Variants in SH3D19 observed in about 807,000 individuals in gnomAD.
SH3D19 encodes SH3 domain-containing protein 19.
Under a neutral mutation model 112.1 loss-of-function variants are expected in SH3D19, and 58 were observed. The ratio of observed to expected loss-of-function variants is 0.52; its 90% CI spans 0.42 to 0.64. The LOEUF (loss-of-function observed/expected upper bound fraction) is 0.64. SH3D19 is among the 30% of genes least tolerant of loss of function. The pLI is 0.00. For synonymous variants in SH3D19, 391 were observed against 448.5 expected, an observed-to-expected ratio of 0.87 and a Z score of 1.62; for missense variants, 1,090 against 1,263.4, an observed-to-expected ratio of 0.86 and a Z score of 2.08.
intron 4 of SH3D19, among the ~76,000 whole-genome samples, chr4:151,177,569 G>C (rs751169933): frequency 2.6e-5 from 4 of 152,004 alleles, no homozygotes; most frequent in Non-Finnish European, 4.4e-5. Flanking sequence ...GGCTGATCTC[G>C]AACTCCTGAC....
At chr4:151,298,344 A>T (rs912947628) in intron 1 of SH3D19, among the ~76,000 whole-genome samples, 1 of 151,810 alleles carries the variant, frequency 6.6e-6, no homozygotes, top group African/African-American at 2.4e-5. Context: ...TGCCCAGCTA[A>T]TTTTTGTATT....
intron 1 of SH3D19, among the ~76,000 whole-genome samples, chr4:151,255,388 G>A (rs1188161394): frequency 3.3e-5 from 5 of 151,700 alleles, no homozygotes; most frequent in East Asian, 2.0e-4. Context: ...CATCCCAGAC[G>A]GGGCAGCGGG....
At chr4:151,262,676 TTC>T (rs61642865) in intron 1 of SH3D19, 46,119 of 144,806 alleles carry the variant, frequency 0.32, 7,941 homozygotes, top group Non-Finnish European at 0.41. Flanking sequence ...GCCAACATTC[TTC>T]TCTCTCTCTC....
At chr4:151,148,914 T>G (rs1204451146) in intron 10 of SH3D19, among the ~76,000 whole-genome samples, 2 of 152,100 alleles carry the variant, frequency 1.3e-5, no homozygotes, top group Non-Finnish European at 2.9e-5. Context: ...GGCTCATGCC[T>G]GAAGTCCCAG....
chr4:151,138,519 C>T (rs1752306152), intron 13 of SH3D19, among the ~76,000 whole-genome samples: 2 of 151,516 alleles, frequency 1.3e-5, no homozygotes, highest in Middle Eastern at 3.4e-3. Flanking sequence ...GGCAACATAG[C>T]GAGACCATGT....
chr4:151,232,015 C>A (rs1769651257), intron 1 of SH3D19, among the ~76,000 whole-genome samples: 1 of 152,230 alleles, frequency 6.6e-6, no homozygotes, highest in East Asian at 1.9e-4. Flanking sequence ...GAAACCCTGT[C>A]TCTAGTAAAA....
At chr4:151,177,254 C>T (rs1760092129) in intron 4 of SH3D19, among the ~76,000 whole-genome samples, 2 of 152,230 alleles carry the variant, frequency 1.3e-5, no homozygotes, top group South Asian at 4.1e-4. Context: ...CCTATACAAT[C>T]TCTTCATTCC....
intron 1 of SH3D19, among the ~76,000 whole-genome samples, chr4:151,293,190 G>T (rs550165591): frequency 6.6e-6 from 1 of 151,768 alleles, no homozygotes; most frequent in Non-Finnish European, 1.5e-5. Flanking sequence ...GGGTAGACTG[G>T]CCGGGTGTGG....
At chr4:151,249,235 T>A (rs1771178282) in intron 1 of SH3D19, among the ~76,000 whole-genome samples, 1 of 152,198 alleles carries the variant, frequency 6.6e-6, no homozygotes, top group Non-Finnish European at 1.5e-5. Flanking sequence ...TCTGTAAAAG[T>A]CACAATATTT....
chr4:151,182,149 T>A (rs963950175), intron 3 of SH3D19, among the ~76,000 whole-genome samples: 7 of 151,994 alleles, frequency 4.6e-5, no homozygotes, highest in South Asian at 2.1e-4. Context: ...CGACCACACC[T>A]GGCTCCTTTT....
At chr4:151,226,344 T>G (rs2149949374) in intron 1 of SH3D19, 1 of 1,134,444 alleles carries the variant, frequency 8.8e-7, no homozygotes, top group Non-Finnish European at 1.1e-6. Flanking sequence ...TATTTCATTT[T>G]ATAAGATCTT....
intron 1 of SH3D19, among the ~76,000 whole-genome samples, chr4:151,312,911 A>T (rs2724582): frequency 0.38 from 57,453 of 149,260 alleles, 11,700 homozygotes; most frequent in African/African-American, 0.51. Context: ...AAAAAAAAAA[A>T]AAATAAATAA....
chr4:151,188,413 G>T (rs1762120369), intron 2 of SH3D19, among the ~76,000 whole-genome samples: 1 of 152,030 alleles, frequency 6.6e-6, no homozygotes, highest in African/African-American at 2.4e-5. Flanking sequence ...AAAATGCCTG[G>T]GACCAGAATT....
At chr4:151,234,900 C>T (rs1769918367) in intron 1 of SH3D19, among the ~76,000 whole-genome samples, 1 of 151,642 alleles carries the variant, frequency 6.6e-6, no homozygotes, top group Non-Finnish European at 1.5e-5. Flanking sequence ...TGTGCCATCA[C>T]ACCCGGGTAA....
At position 151,255,183 on chromosome 4, in the gene SH3D19, T is replaced by C. The variant is rs1028969870; in HGVS notation, c.113-29097A>G. ...CTGCCGGGCGGAGACGCTCCTCACT[T>C]CCCAGATGGGGTGGCTGCCGGGCGG... is the stretch of plus-strand genomic sequence containing the variant. On this transcript the variant is annotated intron_variant, in intron 1 of 19. Transcript: ENST00000604030. Among the ~76,000 whole-genome samples the C allele has an allele frequency of 1.3e-4, 20 of 150,622 alleles. No individual in the cohort carries two copies. The East Asian group carries it at 2.6e-3, about 20-fold the overall frequency.
chr4:151,271,903 C>T (rs1773253764), intron 1 of SH3D19, among the ~76,000 whole-genome samples: 1 of 152,006 alleles, frequency 6.6e-6, no homozygotes, highest in Non-Finnish European at 1.5e-5. Flanking sequence ...TTGTGTATGG[C>T]AGAGGTATTT....
intron 3 of SH3D19, among the ~76,000 whole-genome samples, chr4:151,185,070 ACT>A (rs1761566373): frequency 1.4e-5 from 1 of 71,672 alleles, no homozygotes; most frequent in Non-Finnish European, 2.7e-5. Flanking sequence ...TTTTTTTTTA[ACT>A]CTGACCATTC....
intron 3 of SH3D19, among the ~76,000 whole-genome samples, chr4:151,184,342 C>T (rs1475453948): frequency 6.6e-6 from 1 of 152,022 alleles, no homozygotes; most frequent in Non-Finnish European, 1.5e-5. Context: ...TTATTTACAG[C>T]TTTTTCTTAT....
At chr4:151,262,575 C>T (rs958533841) in intron 1 of SH3D19, among the ~76,000 whole-genome samples, 2 of 152,158 alleles carry the variant, frequency 1.3e-5, no homozygotes, top group South Asian at 4.1e-4. Flanking sequence ...CCTGGGTGAA[C>T]CCAGGAGTGT....
Sources: allele counts gnomAD v4.1 joint callset (sites outside exome capture counted in the v4.1 genomes callset), GRCh38; gene constraint gnomAD v4.1.1; transcripts MANE v1.5; gene names NCBI Gene and HGNC (gene_info 2026-07-23, HGNC 2026-07-21).